TRIM72: variants seen among roughly 807,000 people sequenced by gnomAD.
TRIM72 encodes tripartite motif containing 72, also known as tripartite motif-containing protein 72.
In TRIM72, 33 loss-of-function variants were observed where a neutral mutation model predicts 31.6. The observed-to-expected ratio is 1.04, with a 90% CI of 0.79 to 1.40. The LOEUF is 1.40. Ranked by LOEUF, TRIM72 falls within the 40% of genes most tolerant of loss-of-function variation. The probability of loss-of-function intolerance (pLI) is 0.00; values close to 1 mark genes in which losing one functional copy is unlikely to be tolerated. For synonymous variants in TRIM72, 301 were observed against 314.4 expected, an observed-to-expected ratio of 0.96 and a Z score of 0.45; for missense variants, 666 against 682.7, an observed-to-expected ratio of 0.98 and a Z score of 0.27.
rs2079565918 is a variant in TRIM72, at chr16:31,230,335, G to A, written c.*5580G>A. ...TGTTTTTCCTTGAAAAGTAAAAAAT[G>A]ATGTAATGCATGTCTCAACTGAATA... On this transcript the variant is annotated 3_prime_UTR_variant, in exon 7 of 7. Coordinates refer to ENST00000322122, the MANE Select transcript of TRIM72 (RefSeq NM_001008274.4). 1 of 152,152 alleles carries A rather than the reference G, an allele frequency of 6.6e-6. No homozygotes were observed. The highest frequency in any genetic ancestry group is 2.4e-5 in the African/African-American group (1 of 41,440). 9.4% of individuals were successfully genotyped at this position (152,152 alleles called of 1,614,324 possible).
At position 31,224,170 on chromosome 16, in the gene TRIM72, C is replaced by T; in HGVS notation, c.860-11C>T. The T allele has an allele frequency of 6.2e-7, 1 of 1,600,462 alleles. No individual in the cohort carries two copies. The highest frequency in any genetic ancestry group is 2.2e-5 in the East Asian group (1 of 44,824). ...AAACCTAGGGTTTTCTGACCGTGTT[C>T]TCTCTGGCAGCGCTGGAGGAGCTGA... is the stretch of plus-strand genomic sequence containing the variant. On this transcript the variant is annotated splice_polypyrimidine_tract_variant and intron_variant, in intron 6 of 6. Coordinates refer to ENST00000322122, the MANE Select transcript of TRIM72 (RefSeq NM_001008274.4).
rs2079562700 is a variant in TRIM72 at position 31,229,135 on chromosome 16, C to G, written c.*4380C>G. 6.6e-6 allele frequency: 1 copy of G among 152,186 alleles called. No individual in the cohort carries two copies. Among genetic ancestry groups the G allele is most frequent in the Non-Finnish European group, 1.5e-5 (1 of 68,058 alleles). 9.4% of individuals were successfully genotyped at this position (152,186 alleles called of 1,614,324 possible). On this transcript the variant is annotated 3_prime_UTR_variant, in exon 7 of 7. Coordinates refer to ENST00000322122, the MANE Select transcript of TRIM72 (RefSeq NM_001008274.4). The stretch of plus-strand genomic sequence containing the variant: ...AAGCCTCCTTCTGAGGAAATGGGTA[C>G]TCTGAGAAGCAGATGCCAAGATAGG...
rs943086158 is a variant in TRIM72, at chr16:31,215,550, G to C, written c.390+422G>C. The stretch of plus-strand genomic sequence containing the variant: ...CCCTGCTCGGCGCTGGCCCACTTTG[G>C]ACTGGAGGCGCGGCGTTCGGGACCG... On this transcript the variant is annotated intron_variant, in intron 2 of 6. Coordinates refer to ENST00000322122, the MANE Select transcript of TRIM72 (RefSeq NM_001008274.4). The surrounding 1 kb of genome is among the most constrained non-coding windows in gnomAD (Gnocchi z 6.3). 1.3e-5 allele frequency among the ~76,000 whole-genome samples: 2 copies of C among 152,074 alleles called. No individual in the cohort carries two copies. The highest frequency in any genetic ancestry group is 4.8e-5 in the African/African-American group (2 of 41,420).
intron 6 of TRIM72, 139 bp downstream of exon 6, chr16:31,223,084 C>T (rs546537460): frequency 3.4e-4 from 236 of 690,316 alleles, no homozygotes; most frequent in Admixed American, 9.7e-4. Context: ...TCTGGACTGC[C>T]GCTGCAGTCC....
chr16:31,222,664 A>G (rs1256009393), intron 5 of TRIM72, among the ~76,000 whole-genome samples, 163 bp from the exon 6 acceptor site: 5 of 151,936 alleles, frequency 3.3e-5, no homozygotes, highest in Non-Finnish European at 4.4e-5. Flanking sequence ...TTCACATTGT[A>G]CAACCATCAC....
At position 31,217,041 on chromosome 16, in the gene TRIM72, C is replaced by A. The variant is rs1368468605; in HGVS notation, c.390+1913C>A. 6 of 1,603,740 alleles carry A rather than the reference C, an allele frequency of 3.7e-6. No homozygotes were observed. In the African/African-American group the frequency reaches 5.4e-5, roughly 14 times the overall value. ...GCTTCGTTCCCATGGCTCAGCCCTGCGCCTCTGAGCCTCCGAGGGCCTGGA... is the reference window on the plus strand; with the variant it reads ...GCTTCGTTCCCATGGCTCAGCCCTGAGCCTCTGAGCCTCCGAGGGCCTGGA... On this transcript the variant is annotated intron_variant, in intron 2 of 6. Transcript: ENST00000322122.
At chr16:31,214,657 G>T in intron 1 of TRIM72, 75 bp from the exon 2 acceptor site, 1 of 1,383,536 alleles carries the variant, frequency 7.2e-7, no homozygotes, top group East Asian at 3.0e-5. Context: ...GCCCGGCCTG[G>T]GCTAGGGCTG....
In TRIM72 at chr16:31,216,997, A is replaced by T; in HGVS notation, c.390+1869A>T. On this transcript the variant is annotated intron_variant, in intron 2 of 6. Coordinates refer to ENST00000322122, the MANE Select transcript of TRIM72 (RefSeq NM_001008274.4). This position sits in a 1 kb window ranked among gnomAD's most constrained non-coding sequence, Gnocchi z 6.7. ...CTCCTCCGGTGTCAGGTTCTCCAGC[A>T]CCTTCAGGATGGCCTCGCGCTTCGT... The T allele has an allele frequency of 1.9e-6, 3 of 1,613,742 alleles. No homozygotes were observed. Among genetic ancestry groups the T allele is most frequent in the Non-Finnish European group, 2.5e-6 (3 of 1,179,786 alleles).
intron 6 of TRIM72, among the ~76,000 whole-genome samples, chr16:31,223,724 T>A (rs1301233789): frequency 1.3e-5 from 2 of 151,776 alleles, no homozygotes; most frequent in Non-Finnish European, 2.9e-5. Context: ...GGCAACATAG[T>A]GAGAACACCT....
rs1331008496 is a variant in TRIM72, at chr16:31,216,688, AC to A, written c.390+1562del. On this transcript the variant is annotated intron_variant, in intron 2 of 6. Transcript: ENST00000322122. The surrounding 1 kb of genome is among the most constrained non-coding windows in gnomAD (Gnocchi z 6.7). ...GGGGAACAGGAAGGCTCTGGGCGGGACCTGACGCGTGGGTCCTTGGCGAGGA... is the reference window on the plus strand; with the variant it reads ...GGGGAACAGGAAGGCTCTGGGCGGGACTGACGCGTGGGTCCTTGGCGAGGA... The A allele has an allele frequency of 6.6e-7, 1 of 1,526,166 alleles. No homozygotes were observed. Among genetic ancestry groups the A allele is most frequent in the African/African-American group, 1.4e-5 (1 of 73,356 alleles). 94.5% of individuals were successfully genotyped at this position (1,526,166 alleles called of 1,614,324 possible).
At chr16:31,224,074 A>C in intron 6 of TRIM72, 107 bp from the exon 7 acceptor site, 10 of 1,304,638 alleles carry the variant, frequency 7.7e-6, no homozygotes, top group Non-Finnish European at 1.0e-5. Flanking sequence ...CCCAGTGAGC[A>C]GAGATGCCAA....
intron 6 of TRIM72, among the ~76,000 whole-genome samples, chr16:31,223,858 A>G (rs1425067259): frequency 6.6e-6 from 1 of 152,008 alleles, no homozygotes; most frequent in African/African-American, 2.4e-5. Flanking sequence ...CAGTGAGCCT[A>G]GGTTGCACCT....
chr16:31,214,673 G>T lies in TRIM72; in HGVS notation c.-7-59G>T, dbSNP rs2079498018. 3 of 1,424,980 alleles carry T rather than the reference G, an allele frequency of 2.1e-6. No homozygotes were observed. The South Asian group carries it at 4.5e-5, about 21-fold the overall frequency. The allele number at this position is 1,424,980 out of a possible 1,614,324, so 88.3% of individuals were successfully genotyped here. On this transcript the variant is annotated intron_variant, in intron 1 of 6. Coordinates refer to ENST00000322122, the MANE Select transcript of TRIM72 (RefSeq NM_001008274.4). Reference sequence around the variant, plus strand: ...CCCGGCCTGGGCTAGGGCTGGGCCAGGGCTGGGCCGGGAGCGCGGCGCCGC... The same window carrying T: ...CCCGGCCTGGGCTAGGGCTGGGCCATGGCTGGGCCGGGAGCGCGGCGCCGC...
At chr16:31,217,938 C>T (rs531457891) in intron 2 of TRIM72, among the ~76,000 whole-genome samples, 2 of 152,234 alleles carry the variant, frequency 1.3e-5, no homozygotes, top group South Asian at 4.1e-4. Flanking sequence ...AATTAAATTT[C>T]CTGCCCCCTA....
chr16:31,230,933 T>C lies in TRIM72; in HGVS notation c.*6178T>C, dbSNP rs2079567997. 6.6e-6 allele frequency: 1 copy of C among 152,094 alleles called. No individual in the cohort carries two copies. The highest frequency in any genetic ancestry group is 1.5e-5 in the Non-Finnish European group (1 of 68,016). The allele number at this position is 152,094 out of a possible 1,614,324, so 9.4% of individuals were successfully genotyped here. On this transcript the variant is annotated 3_prime_UTR_variant, in exon 7 of 7. Coordinates refer to ENST00000322122, the MANE Select transcript of TRIM72 (RefSeq NM_001008274.4). ...AAAAGAAAATTTATTGAGACCTTAT[T>C]ATGCGTCAATAGCTCTCTATTCAGA...
rs2079504962 is a variant in TRIM72, at chr16:31,215,678, C to A, written c.390+550C>A. On this transcript the variant is annotated intron_variant, in intron 2 of 6. Coordinates refer to ENST00000322122, the MANE Select transcript of TRIM72 (RefSeq NM_001008274.4). This position sits in a 1 kb window ranked among gnomAD's most constrained non-coding sequence, Gnocchi z 6.3. Reference sequence around the variant, plus strand: ...TGGCCTGACGGTCCCCAGGCGGGGCCTCACCAGAAGGGAGACTGTAAGGGC... The same window carrying A: ...TGGCCTGACGGTCCCCAGGCGGGGCATCACCAGAAGGGAGACTGTAAGGGC... Among the ~76,000 whole-genome samples, 1 of 152,240 alleles carries A rather than the reference C, an allele frequency of 6.6e-6. No individual in the cohort carries two copies. Among genetic ancestry groups the A allele is most frequent in the Admixed American group, 6.5e-5 (1 of 15,282 alleles).
In TRIM72 at chr16:31,220,456, GTTT is replaced by G. The variant is rs71151452; in HGVS notation, c.718-412_718-410del. On this transcript the variant is annotated intron_variant, in intron 4 of 6. Coordinates refer to ENST00000322122, the MANE Select transcript of TRIM72 (RefSeq NM_001008274.4). ...GCCTTGAGTTCTAGGTCTCTTTTGC[GTTT>G]TTTTTTTTTTTTTTTTTTTTTTTTT... 3.2e-3 allele frequency among the ~76,000 whole-genome samples: 96 copies of G among 29,562 alleles called. 1 individual carries two copies. The highest frequency in any genetic ancestry group is 0.013 in the African/African-American group (90 of 6,864). 19.4% of individuals were successfully genotyped at this position (29,562 alleles called of 152,430 possible).
At chr16:31,214,643 GCGGGCCCGGC>G (rs1024021258) in intron 1 of TRIM72, 79 bp from the exon 2 acceptor site, 2 of 1,327,102 alleles carry the variant, frequency 1.5e-6, no homozygotes, top group South Asian at 1.7e-5. Context: ...CTGCGGGGCG[GCGGGCCCGGC>G]CTGGGCTAGG....
Position 31,224,207 on chromosome 16 carries a change from A to C in TRIM72, c.886A>C (p.Ser296Arg). 6.2e-7 allele frequency: 1 copy of C among 1,603,714 alleles called. No homozygotes were observed. The highest frequency in any genetic ancestry group is 8.5e-7 in the Non-Finnish European group (1 of 1,179,838). The change falls in exon 7 of 7, where the codon AGC becomes CGC. Residue 296 changes from serine to arginine, a missense_variant. Physicochemically the swap from Ser to Arg is moderately radical, Grantham distance 110. Coordinates refer to ENST00000322122, the MANE Select transcript of TRIM72 (RefSeq NM_001008274.4). The part of the protein sequence containing the change: ...PALEELTFDP[S>R]SAHPSLVVSS... ...GCTGGAGGAGCTGACCTTTGACCCG[A>C]GCTCTGCGCACCCGAGCCTGGTGGT...
Sources: allele counts gnomAD v4.1 joint callset (sites outside exome capture counted in the v4.1 genomes callset), GRCh38; gene constraint gnomAD v4.1.1; non-coding constraint Gnocchi (gnomAD v3.1); transcripts MANE v1.5; gene names NCBI Gene and HGNC (gene_info 2026-07-23, HGNC 2026-07-21).